The following FAT3 variants were observed in gnomAD, a reference collection of about 807,000 sequenced individuals.
The protein encoded by FAT3 is protocadherin Fat 3.
FAT3 carries 95 observed loss-of-function variants against 310.2 expected under a neutral mutation model. The observed-to-expected ratio is 0.31, with a 90% confidence interval of 0.26 to 0.36. The LOEUF (loss-of-function observed/expected upper bound fraction) is 0.36, where lower values mean the gene tolerates loss of function less well. FAT3 is among the 10% of genes least tolerant of loss of function. The probability of loss-of-function intolerance (pLI) is 1.00; values close to 1 mark genes in which losing one functional copy is unlikely to be tolerated. For missense variants in FAT3, 5,408 were observed against 5,715.6 expected, an observed-to-expected ratio of 0.95 and a Z score of 1.74; for synonymous variants, 2,314 against 2,192.9, an observed-to-expected ratio of 1.06 and a Z score of -1.54.
At chr11:92,861,085 C>T (rs933127613) in intron 21 of FAT3, among the ~76,000 whole-genome samples, 3 of 152,178 alleles carry the variant, frequency 2.0e-5, no homozygotes, top group Non-Finnish European at 4.4e-5. Flanking sequence ...TTATTTTCTT[C>T]TGGCCCCGGA....
chr11:92,499,713 A>ATGTGTGTGTGTGTG (rs1236694038), intron 2 of FAT3, among the ~76,000 whole-genome samples: 1 of 119,310 alleles, frequency 8.4e-6, no homozygotes, highest in African/African-American at 3.3e-5. Context: ...GTGTGTGTGT[A>ATGTGTGTGTGTGTG]TGTGTGTGTA....
intron 4 of FAT3, among the ~76,000 whole-genome samples, chr11:92,735,396 T>G (rs1338341145): frequency 1.3e-5 from 2 of 152,162 alleles, no homozygotes; most frequent in South Asian, 4.1e-4. Flanking sequence ...ATGAGGCTAG[T>G]GTCATAAAAA....
intron 3 of FAT3, among the ~76,000 whole-genome samples, chr11:92,649,874 CATATATATATATATATATATATAT>C (rs10528724): frequency 1.6e-3 from 81 of 49,662 alleles, no homozygotes; most frequent in East Asian, 4.4e-3. Flanking sequence ...TTTGTATGTT[CATATATATATATATATATATATAT>C]ATATATATAT....
intron 1 of FAT3, among the ~76,000 whole-genome samples, chr11:92,319,231 G>A (rs908858439): frequency 4.6e-5 from 7 of 152,070 alleles, no homozygotes; most frequent in Admixed American, 2.0e-4. Context: ...CTTCCCCTAC[G>A]TTTGTGTGTG....
intron 1 of FAT3, among the ~76,000 whole-genome samples, chr11:92,321,224 C>G (rs1406637210): frequency 6.6e-6 from 1 of 152,140 alleles, no homozygotes; most frequent in East Asian, 2.0e-4. Context: ...ATCATGAGGT[C>G]AGGAGATCGA....
At chr11:92,330,634 T>C (rs373423087) in intron 1 of FAT3, among the ~76,000 whole-genome samples, 2 of 152,172 alleles carry the variant, frequency 1.3e-5, no homozygotes, top group East Asian at 3.8e-4. Flanking sequence ...TCAGCTGTAT[T>C]GCGTGGGTTT....
intron 3 of FAT3, among the ~76,000 whole-genome samples, chr11:92,583,376 T>A (rs1175838116): frequency 1.3e-5 from 2 of 152,072 alleles, no homozygotes; most frequent in East Asian, 3.9e-4. Context: ...CTTTGCATCA[T>A]GTTGGTCTGT....
chr11:92,339,981 G>C (rs375220551), intron 1 of FAT3, among the ~76,000 whole-genome samples: 2 of 151,776 alleles, frequency 1.3e-5, no homozygotes, highest in Non-Finnish European at 1.5e-5. Context: ...GCGTGGTGGC[G>C]GGCCCCTGTA....
chr11:92,674,237 A>G (rs1054845398), intron 3 of FAT3, among the ~76,000 whole-genome samples: 2 of 149,838 alleles, frequency 1.3e-5, no homozygotes, highest in African/African-American at 4.9e-5. Flanking sequence ...ACTTGTTAAG[A>G]CAAATACTGG....
Position 92,565,838 on chromosome 11 carries a change from C to A in FAT3, c.3607+40890C>A, listed in dbSNP as rs550703560. Among the ~76,000 whole-genome samples, 11 of 152,212 alleles carry A rather than the reference C, an allele frequency of 7.2e-5. 1 individual carries two copies. The South Asian group carries it at 2.1e-3, about 29-fold the overall frequency. On this transcript the variant is annotated intron_variant, in intron 3 of 27. Transcript: ENST00000525166. Reference sequence around the variant, plus strand: ...AAGGCCTTTGACAAAATTCAACAACCCTTCATTCTAAAAACTCTCAGTAAA... The same window carrying A: ...AAGGCCTTTGACAAAATTCAACAACACTTCATTCTAAAAACTCTCAGTAAA...
rs2136415632 is a variant in FAT3, at chr11:92,883,210, A to T, written c.12754A>T (p.Ile4252Phe). Residue 4252 changes from isoleucine (I) to phenylalanine (F), a missense_variant, in exon 24 of 28, where the codon ATC (isoleucine) becomes TTC (phenylalanine). This residue lies in a region of FAT3 where 649 missense variants were observed against 666.2 expected (regional missense o/e 0.97). Transcript: ENST00000525166. The surrounding 1 kb of genome is among the most constrained non-coding windows in gnomAD (Gnocchi z 4.2). ...TGACTCCAGGAGCAACCTGGATAAG[A>T]TCGTGGACGGGCTGGGAGGCGAGCA... ...QSDSRSNLDK[I>F]VDGLGGEHQE... 1 of 1,613,200 alleles carries T rather than the reference A, an allele frequency of 6.2e-7. No homozygotes were observed. Among genetic ancestry groups the T allele is most frequent in the Non-Finnish European group, 8.5e-7 (1 of 1,179,846 alleles).
chr11:92,466,368 TC>T (rs1951760848), intron 2 of FAT3, among the ~76,000 whole-genome samples: 1 of 152,010 alleles, frequency 6.6e-6, no homozygotes, highest in South Asian at 2.1e-4. Context: ...AAACAAGCAA[TC>T]AAAGACCCAA....
intron 1 of FAT3, among the ~76,000 whole-genome samples, chr11:92,240,924 A>G (rs1285605934): frequency 1.3e-5 from 2 of 152,076 alleles, no homozygotes; most frequent in East Asian, 3.9e-4. Context: ...ATCCTTGTAG[A>G]ATCCCCCCCA....
chr11:92,740,070 C>T (rs1407466518), intron 4 of FAT3, among the ~76,000 whole-genome samples: 1 of 152,088 alleles, frequency 6.6e-6, no homozygotes, highest in East Asian at 1.9e-4. Flanking sequence ...TGACTCCGGC[C>T]TGAATTAATT....
intron 13 of FAT3, among the ~76,000 whole-genome samples, chr11:92,824,743 C>A (rs1249011996): frequency 5.9e-5 from 9 of 151,792 alleles, no homozygotes; most frequent in African/African-American, 2.2e-4. Flanking sequence ...TCATTTTTAA[C>A]CATGGTTACC....
chr11:92,537,173 G>A (rs536417), intron 3 of FAT3, among the ~76,000 whole-genome samples: 61,637 of 151,888 alleles, frequency 0.41, 12,953 homozygotes, highest in Middle Eastern at 0.54. Flanking sequence ...CTGGTTTTGC[G>A]AAATGACATT....
chr11:92,330,515 C>G (rs1340363791), intron 1 of FAT3, among the ~76,000 whole-genome samples: 1 of 152,140 alleles, frequency 6.6e-6, no homozygotes, highest in Non-Finnish European at 1.5e-5. Context: ...ATAAATAGCT[C>G]TGTGAGGTTG....
intron 4 of FAT3, among the ~76,000 whole-genome samples, chr11:92,716,064 G>A (rs369252038): frequency 2.0e-5 from 3 of 152,172 alleles, no homozygotes; most frequent in South Asian, 2.1e-4. Flanking sequence ...GGGAAAAGAG[G>A]ACTTTGGAGT....
chr11:92,722,522 G>A (rs539884610), intron 4 of FAT3, among the ~76,000 whole-genome samples: 194 of 152,282 alleles, frequency 1.3e-3, no homozygotes, highest in African/African-American at 4.5e-3. Flanking sequence ...CTACCATTCT[G>A]GGGCCTGGAG....
Sources: allele counts gnomAD v4.1 joint callset (sites outside exome capture counted in the v4.1 genomes callset), GRCh38; gene constraint gnomAD v4.1.1; regional missense constraint gnomAD v4.1.1; non-coding constraint Gnocchi (gnomAD v3.1); transcripts MANE v1.5; gene names NCBI Gene and HGNC (gene_info 2026-07-23, HGNC 2026-07-21).